The following TTN variants were observed in gnomAD, a reference collection of about 807,000 sequenced individuals.
The protein encoded by TTN is connectin.
Under a neutral mutation model 3,223.0 loss-of-function variants are expected in TTN, and 1,525 were observed. The observed-to-expected ratio is 0.47, with a 90% CI of 0.45 to 0.49. The LOEUF (loss-of-function observed/expected upper bound fraction) is 0.49, where lower values mean the gene tolerates loss of function less well. Ranked by LOEUF, TTN falls within the 20% of genes least tolerant of loss-of-function variation. The pLI, the probability that TTN is intolerant of heterozygous loss-of-function variation, is 0.00. For synonymous variants in TTN, 14,094 were observed against 15,161.0 expected (o/e 0.93, Z 5.17); for missense variants, 40,786 against 43,424.0 (o/e 0.94, Z 5.40).
rs1206769574 is a variant in TTN, at chr2:178,727,812, G to C, written c.19766C>G (p.Ser6589Cys). ...TAGTATTGCCTTAAATTCCACTGTA[G>C]AATCAGGTATGGCTTGCTGTCGCCC... ...KPGRQQAIPDSTVEFKAILKG... is the reference protein window; with the variant it reads ...KPGRQQAIPDCTVEFKAILKG... The change falls in exon 68 of 363, where the codon TCT (serine) becomes TGT (cysteine). Residue 6589 changes from serine (S) to cysteine (C), a missense_variant. Ser to Cys is a moderately radical substitution (Grantham distance 112, BLOSUM62 -1). Transcript: ENST00000589042. 1 of 1,612,130 alleles carries C rather than the reference G, an allele frequency of 6.2e-7. No homozygotes were observed. The highest frequency in any genetic ancestry group is 1.3e-5 in the African/African-American group (1 of 74,978).
In TTN at chr2:178,777,312, C is replaced by G; in HGVS notation, c.4651G>C (p.Glu1551Gln). ...ACAAACATCGGTTTTACCTGATGTTCCACAGCTGAAAGAGAAAGGTCATGA... is the reference window on the plus strand; with the variant it reads ...ACAAACATCGGTTTTACCTGATGTTGCACAGCTGAAAGAGAAAGGTCATGA... The part of the protein sequence containing the change: ...ISVILTVEAV[E>Q]HQVKPMFVEK... The change falls in exon 27 of 363, where the codon GAA becomes CAA. Residue 1551 changes from glutamate to glutamine, a missense_variant. Glu to Gln is a conservative substitution (Grantham distance 29). Coordinates refer to ENST00000589042, the MANE Select transcript of TTN (RefSeq NM_001267550.2). 6.2e-7 allele frequency: 1 copy of G among 1,613,788 alleles called. No homozygotes were observed. Among genetic ancestry groups the G allele is most frequent in the Non-Finnish European group, 8.5e-7 (1 of 1,179,944 alleles).
intron 47 of TTN, chr2:178,751,801 T>C (rs779930160): frequency 6.2e-7 from 1 of 1,613,162 alleles, no homozygotes; most frequent in South Asian, 1.1e-5. Flanking sequence ...AAGTCATTTC[T>C]GGAGTTGGAC....
Position 178,669,583 on chromosome 2 carries a change from A to T in TTN, c.35470+9T>A. Reference sequence around the variant, plus strand: ...ATTATTTCATGTTCTGATTAGCATCACTGTATACCTTTAGCTGGTGGAACT... The same window carrying T: ...ATTATTTCATGTTCTGATTAGCATCTCTGTATACCTTTAGCTGGTGGAACT... On this transcript the variant is annotated intron_variant, in intron 158 of 362. Coordinates refer to ENST00000589042, the MANE Select transcript of TTN (RefSeq NM_001267550.2). 6.2e-7 allele frequency: 1 copy of T among 1,612,004 alleles called. No individual in the cohort carries two copies. Among genetic ancestry groups the T allele is most frequent in the African/African-American group, 1.3e-5 (1 of 75,026 alleles).
At position 178,722,060 on chromosome 2, in the gene TTN, C is replaced by CA. The variant is rs777177734; in HGVS notation, c.22602dup (p.Glu7535Ter). On this transcript the variant is annotated frameshift_variant, in exon 78 of 363. Transcript: ENST00000589042. LOFTEE classifies it high-confidence loss of function. ...GGTTGAGCACCAGTAACATGACACTCAAAATCAGCACTTTCTCCAGCAATA... is the reference window on the plus strand; with the variant it reads ...GGTTGAGCACCAGTAACATGACACTCAAAAATCAGCACTTTCTCCAGCAATA... The CA allele has an allele frequency of 6.2e-7, 1 of 1,612,188 alleles. No individual in the cohort carries two copies. Among genetic ancestry groups the CA allele is most frequent in the East Asian group, 2.2e-5 (1 of 44,848 alleles).
chr2:178,673,785 A>C, intron 151 of TTN, 75 bp from the exon 152 acceptor site: 1 of 1,012,154 alleles, frequency 9.9e-7, no homozygotes, highest in Non-Finnish European at 1.5e-6. Context: ...CCAATAAATA[A>C]ATATCACAAA....
At chr2:178,546,177 T>G in intron 342 of TTN, 35 bp downstream of exon 342, 1 of 1,591,166 alleles carries the variant, frequency 6.3e-7, no homozygotes, top group African/African-American at 1.3e-5. Flanking sequence ...CACTGGAAAA[T>G]GCTATATAAA....
At position 178,528,413 on chromosome 2, in the gene TTN, T is replaced by G; in HGVS notation, c.107238A>C (p.Ser35746=). ...FKNNLPISIS[S]NVSISRSRNV... ...TTCTGGAGCGGCTTATGCTGACATT[T>G]GAAGAAATAGAAATCTAAGACAAAG... The change falls in exon 361 of 363, where the codon TCA becomes TCC. Residue 35746 remains serine (S), a synonymous_variant. Transcript: ENST00000589042. 1 of 1,613,106 alleles carries G rather than the reference T, an allele frequency of 6.2e-7. No individual in the cohort carries two copies. Among genetic ancestry groups the G allele is most frequent in the Non-Finnish European group, 8.5e-7 (1 of 1,179,672 alleles).
chr2:178,681,170 C>A lies in TTN; in HGVS notation c.33249G>T (p.Val11083=), dbSNP rs773979636. Residue 11083 remains valine, a splice_region_variant and synonymous_variant, in exon 138 of 363, where the codon GTG becomes GTT. Transcript: ENST00000589042. ...CAAAAACTTTCTTTGGTTCTTCAGG[C>A]ACTTTAAAGATATTAATTATTAAAG... ...PKKLKPPPPK[V]PEEPKKVFEE... 1.4e-5 allele frequency: 23 copies of A among 1,598,184 alleles called. 1 individual carries two copies. In the South Asian group the frequency reaches 1.7e-4, roughly 12 times the overall value.
chr2:178,581,750 A>G lies in TTN; in HGVS notation c.66518T>C (p.Val22173Ala), dbSNP rs746199327. 6.2e-7 allele frequency: 1 copy of G among 1,607,502 alleles called. No homozygotes were observed. The highest frequency in any genetic ancestry group is 8.5e-7 in the Non-Finnish European group (1 of 1,176,574). ...GGCTGGCTTGCCCCAAGATAGACTC[A>G]CAGAGCTGCGAGTTGTATCATATAC... ...PKVYDTTRSSVSLSWGKPAYD... is the reference protein window; with the variant it reads ...PKVYDTTRSSASLSWGKPAYD... Residue 22173 changes from valine to alanine, a missense_variant, in exon 316 of 363, where the codon GTG becomes GCG. By Grantham distance (64) the Val-to-Ala change is moderately conservative. Transcript: ENST00000589042.
Position 178,732,588 on chromosome 2 carries a change from A to G in TTN, c.16473T>C (p.Val5491=), listed in dbSNP as rs1379282249. Residue 5491 remains valine (V), a synonymous_variant, in exon 56 of 363, where the codon GTT becomes GTC. Coordinates refer to ENST00000589042, the MANE Select transcript of TTN (RefSeq NM_001267550.2). Reference sequence around the variant, plus strand: ...TGGTAATATAGCAGCTTCCACCAGAAACCAGCTCTTTGTTGCCCTTAAACC... The same window carrying G: ...TGGTAATATAGCAGCTTCCACCAGAGACCAGCTCTTTGTTGCCCTTAAACC... ...IRWFKGNKEL[V]SGGSCYITKE... is the part of the protein sequence containing the mutation. 1 of 1,613,642 alleles carries G rather than the reference A, an allele frequency of 6.2e-7. No homozygotes were observed. The highest frequency in any genetic ancestry group is 8.5e-7 in the Non-Finnish European group (1 of 1,179,726).
rs1319404770 is a variant in TTN, at chr2:178,608,339, T to C, written c.52544A>G (p.His17515Arg). The change falls in exon 275 of 363, where the codon CAT (histidine) becomes CGT (arginine). Residue 17515 changes from histidine (H) to arginine (R), a missense_variant. His to Arg is a conservative substitution (Grantham distance 29). Coordinates refer to ENST00000589042, the MANE Select transcript of TTN (RefSeq NM_001267550.2). The part of the protein sequence containing the change: ...WLEKREVNST[H>R]WSRVNKSLLN... ...AAGGCTTTTGTTGACACGAGACCAA[T>C]GTGTACTGTTAACTTCACGTTTTTC... The C allele has an allele frequency of 4.3e-6, 7 of 1,612,426 alleles. No homozygotes were observed. The highest frequency in any genetic ancestry group is 5.9e-6 in the Non-Finnish European group (7 of 1,179,168).
rs1009639599 is a variant in TTN at position 178,590,066 on chromosome 2, G to T, written c.61659C>A (p.Asn20553Lys). 6.2e-7 allele frequency: 1 copy of T among 1,613,190 alleles called. No homozygotes were observed. Among genetic ancestry groups the T allele is most frequent in the Non-Finnish European group, 8.5e-7 (1 of 1,179,492 alleles). The change falls in exon 304 of 363, where the codon AAC (asparagine) becomes AAA (lysine). Residue 20553 changes from asparagine (N) to lysine (K), a missense_variant. By Grantham distance (94) the Asn-to-Lys change is moderately conservative. Coordinates refer to ENST00000589042, the MANE Select transcript of TTN (RefSeq NM_001267550.2). ...CTGAACCTTGGGCATGTCCACTGCT[G>T]TTCTTAGCTGAGATGATATACTTGC... The part of the protein sequence containing the change: ...DHGKYIISAK[N>K]SSGHAQGSAI...
chr2:178,552,490 G>A lies in TTN; in HGVS notation c.90410C>T (p.Pro30137Leu). 1 of 1,612,744 alleles carries A rather than the reference G, an allele frequency of 6.2e-7. No individual in the cohort carries two copies. Among genetic ancestry groups the A allele is most frequent in the Non-Finnish European group, 8.5e-7 (1 of 1,178,956 alleles). Residue 30137 changes from proline to leucine, a missense_variant, in exon 335 of 363, where the codon CCT (proline) becomes CTT (leucine). Transcript: ENST00000589042. ...ITPEVDLSDIPGAQVTVRIGH... is the reference protein window; with the variant it reads ...ITPEVDLSDILGAQVTVRIGH... Reference sequence around the variant, plus strand: ...AATTCTCACAGTGACTTGTGCCCCAGGGATATCTGACAGGTCAACTTCAGG... The same window carrying A: ...AATTCTCACAGTGACTTGTGCCCCAAGGATATCTGACAGGTCAACTTCAGG...
intron 131 of TTN, 80 bp from the exon 132 acceptor site, chr2:178,684,493 T>C: frequency 4.7e-6 from 7 of 1,479,892 alleles, no homozygotes; most frequent in Non-Finnish European, 6.5e-6. Context: ...ACTGTGATTT[T>C]AGAATAGAAG....
chr2:178,785,443 G>A (rs966734665), intron 15 of TTN, among the ~76,000 whole-genome samples, 177 bp downstream of exon 15: 19 of 152,038 alleles, frequency 1.2e-4, no homozygotes, highest in African/African-American at 4.4e-4. Context: ...CACTCCCCTG[G>A]GCGAGTTTCA....
rs139099170 is a variant in TTN at position 178,558,107 on chromosome 2, C to A, written c.87247G>T (p.Val29083Phe). ...AATCTCATGGTTGCCTTAAGGGGGA[C>A]ACCATCTCTTGATAAGGTCACTTTG... is the stretch of plus-strand genomic sequence containing the variant. ...LPKVTLSRDG[V>F]PLKATMRFNT... Residue 29083 changes from valine (V) to phenylalanine (F), a missense_variant, in exon 328 of 363, where the codon GTC (valine) becomes TTC (phenylalanine). Val to Phe is a conservative substitution (Grantham distance 50). Transcript: ENST00000589042. 6.2e-7 allele frequency: 1 copy of A among 1,613,880 alleles called. No homozygotes were observed. Among genetic ancestry groups the A allele is most frequent in the Non-Finnish European group, 8.5e-7 (1 of 1,179,842 alleles).
Position 178,590,183 on chromosome 2 carries a change from G to T in TTN, c.61542C>A (p.Gly20514=). 2 of 1,611,078 alleles carry T rather than the reference G, an allele frequency of 1.2e-6. No individual in the cohort carries two copies. Among genetic ancestry groups the T allele is most frequent in the South Asian group, 1.1e-5 (1 of 90,454 alleles). ...PEPDITWTKE[G]KVLVREKRVD... ...CCCTCTTTTCTCGGACCAATACTTTGCCTTCCTTAGTCCAAGTTATGTCTG... is the reference window on the plus strand; with the variant it reads ...CCCTCTTTTCTCGGACCAATACTTTTCCTTCCTTAGTCCAAGTTATGTCTG... The change falls in exon 304 of 363, where the codon GGC becomes GGA. Residue 20514 remains glycine, a synonymous_variant. Transcript: ENST00000589042.
At chr2:178,687,753 A>G (rs987844689) in intron 127 of TTN, among the ~76,000 whole-genome samples, 3 of 152,230 alleles carry the variant, frequency 2.0e-5, no homozygotes, top group Non-Finnish European at 4.4e-5. Context: ...ATTAGGCATT[A>G]GGCTACTAAG....
chr2:178,627,062 T>A (rs76894150), intron 240 of TTN, among the ~76,000 whole-genome samples: 2,100 of 152,104 alleles, frequency 0.014, 42 homozygotes, highest in African/African-American at 0.048. Flanking sequence ...TTAGAGATTT[T>A]AAAAATATTT....
Sources: gnomAD v4.1 joint callset for allele counts (sites outside exome capture counted in the v4.1 genomes callset) on GRCh38, gnomAD v4.1.1 for gene constraint, MANE v1.5 for transcripts, NCBI Gene and HGNC (gene_info 2026-07-23, HGNC 2026-07-21) for gene names.